The following PRKACB variants were observed in gnomAD, a reference collection of about 807,000 sequenced individuals.
PRKACB encodes cAMP-dependent protein kinase catalytic subunit beta.
PRKACB carries 16 observed loss-of-function variants against 51.4 expected under a neutral mutation model. That is an observed-to-expected ratio of 0.31 (90% CI 0.21 to 0.47). PRKACB has a LOEUF of 0.47. Among genes scored for constraint, PRKACB ranks in the 20% least tolerant of loss-of-function variants. PRKACB has a pLI of 1.00. For missense variants in PRKACB, 309 were observed against 464.5 expected, an observed-to-expected ratio of 0.67 and a Z score of 3.08; for synonymous variants, 147 against 154.4, an observed-to-expected ratio of 0.95 and a Z score of 0.35.
intron 1 of PRKACB, chr1:84,164,758 G>A (rs1041909840): frequency 7.3e-7 from 1 of 1,375,590 alleles, no homozygotes; most frequent in Non-Finnish European, 9.4e-7. Context: ...AAGAAATTCA[G>A]TCTAGTTATA....
chr1:84,122,422 A>G (rs1186533426), intron 1 of PRKACB, among the ~76,000 whole-genome samples: 1 of 152,168 alleles, frequency 6.6e-6, no homozygotes, highest in Non-Finnish European at 1.5e-5. Flanking sequence ...AAGTCCTGTG[A>G]TAGGTACCAG....
chr1:84,101,445 A>C (rs962957148), intron 1 of PRKACB, among the ~76,000 whole-genome samples: 1 of 152,150 alleles, frequency 6.6e-6, no homozygotes, highest in Non-Finnish European at 1.5e-5. Context: ...GACACATAAA[A>C]ATGTCCTGTA....
chr1:84,198,798 G>A (rs962829271), intron 7 of PRKACB, among the ~76,000 whole-genome samples: 7 of 148,734 alleles, frequency 4.7e-5, no homozygotes, highest in African/African-American at 1.5e-4. Context: ...CAACCTAGAC[G>A]CAGCCTTTTT....
intron 1 of PRKACB, among the ~76,000 whole-genome samples, chr1:84,167,685 C>G (rs1349931922): frequency 1.3e-5 from 2 of 151,554 alleles, no homozygotes; most frequent in African/African-American, 4.8e-5. Flanking sequence ...CCAATAAATA[C>G]TTATAGAATT....
At chr1:84,204,655 T>G in intron 8 of PRKACB, 2 of 1,109,392 alleles carry the variant, frequency 1.8e-6, no homozygotes, top group Non-Finnish European at 1.2e-6. Context: ...ATTTTACTAA[T>G]ACAAAAACTA....
At chr1:84,132,914 C>A (rs1017010025) in intron 1 of PRKACB, among the ~76,000 whole-genome samples, 1 of 151,828 alleles carries the variant, frequency 6.6e-6, no homozygotes, top group Non-Finnish European at 1.5e-5. Context: ...ATTTATCTAT[C>A]ATTGGAATAC....
chr1:84,185,020 T>G, intron 4 of PRKACB, 80 bp from the exon 5 acceptor site: 1 of 775,212 alleles, frequency 1.3e-6, no homozygotes, highest in Admixed American at 3.0e-5. Context: ...ATTTTAAATT[T>G]TTCTAATTCA....
At chr1:84,078,174 C>T in exon 1 of PRKACB, 1 of 800,816 alleles carries the variant, frequency 1.2e-6, no homozygotes, top group Non-Finnish European at 1.9e-6. Flanking sequence ...CAGACCCGGC[C>T]CGGTCTTCGC....
chr1:84,144,598 A>C (rs758126880), intron 1 of PRKACB, 50 bp downstream of exon 1: 2 of 1,494,276 alleles, frequency 1.3e-6, no homozygotes, highest in Non-Finnish European at 1.8e-6. Flanking sequence ...CTAAAATGGT[A>C]ATTGGAGTTT....
At chr1:84,206,682 G>A (rs1052237313) in intron 8 of PRKACB, among the ~76,000 whole-genome samples, 11 of 152,118 alleles carry the variant, frequency 7.2e-5, no homozygotes, top group Middle Eastern at 3.2e-3. Context: ...CCTAGCACAT[G>A]CCAAAATCCC....
chr1:84,181,873 A>G (rs1199418858), intron 2 of PRKACB: 2 of 569,262 alleles, frequency 3.5e-6, no homozygotes, highest in East Asian at 6.4e-5. Flanking sequence ...AAACTAATTT[A>G]TTGGAAGTTC....
intron 9 of PRKACB, among the ~76,000 whole-genome samples, chr1:84,227,668 C>T (rs1455000748): frequency 6.6e-6 from 1 of 152,108 alleles, no homozygotes; most frequent in Non-Finnish European, 1.5e-5. Context: ...AACCTACCAA[C>T]AAGTGGCACA....
At chr1:84,173,496 G>C in intron 1 of PRKACB, 1 of 708,150 alleles carries the variant, frequency 1.4e-6, no homozygotes, top group East Asian at 2.8e-5. Flanking sequence ...TAGTGTGTGT[G>C]TATGTGGGGA....
At chr1:84,108,719 A>G (rs910628664) in intron 1 of PRKACB, among the ~76,000 whole-genome samples, 9 of 151,990 alleles carry the variant, frequency 5.9e-5, no homozygotes, top group Non-Finnish European at 1.3e-4. Context: ...TCACATTCAG[A>G]TAGTCTTGAT....
chr1:84,135,252 TAAC>T (rs1250715321), intron 1 of PRKACB, among the ~76,000 whole-genome samples: 1 of 152,090 alleles, frequency 6.6e-6, no homozygotes. Flanking sequence ...TATATGAACT[TAAC>T]AACAAAGTAT....
At chr1:84,142,268 CAA>C (rs1653492146), upstream of PRKACB, among the ~76,000 whole-genome samples, 2 of 152,010 alleles carry the variant, frequency 1.3e-5, no homozygotes, top group Non-Finnish European at 2.9e-5. Context: ...AACAAAGCAG[CAA>C]AGTTTGTTTT....
chr1:84,112,991 C>T (rs1650355706), intron 1 of PRKACB, among the ~76,000 whole-genome samples: 2 of 151,886 alleles, frequency 1.3e-5, no homozygotes, highest in African/African-American at 4.8e-5. Context: ...GAATAAAGAG[C>T]ATTTTATAAG....
At chr1:84,146,335 A>C (rs185328051) in intron 1 of PRKACB, among the ~76,000 whole-genome samples, 1 of 152,072 alleles carries the variant, frequency 6.6e-6, no homozygotes. Context: ...AATAGAGATA[A>C]TAATTTTATG....
At chr1:84,177,974 T>C (rs1448335496) in intron 1 of PRKACB, among the ~76,000 whole-genome samples, 1 of 152,022 alleles carries the variant, frequency 6.6e-6, no homozygotes, top group Non-Finnish European at 1.5e-5. Context: ...GGACAGTTTA[T>C]AGAAAGTACT....
Sources: allele counts gnomAD v4.1 joint callset (sites outside exome capture counted in the v4.1 genomes callset), GRCh38; gene constraint gnomAD v4.1.1; transcripts MANE v1.5; gene names NCBI Gene and HGNC (gene_info 2026-07-23, HGNC 2026-07-21).